The following EYS variants were observed in gnomAD, a reference collection of about 807,000 sequenced individuals.
EYS encodes the protein protein eyes shut homolog.
A neutral mutation model predicts 282.1 loss-of-function variants in EYS; 250 were observed. The observed-to-expected ratio is 0.89, with a 90% CI of 0.80 to 0.98. The LOEUF is 0.98. Ranked by LOEUF, EYS falls within the 50% of genes least tolerant of loss-of-function variation. The pLI, the probability that EYS is intolerant of heterozygous loss-of-function variation, is 0.00. For missense variants in EYS, 4,016 were observed against 3,709.0 expected, an observed-to-expected ratio of 1.08 and a Z score of -2.15; for synonymous variants, 1,355 against 1,282.9, an observed-to-expected ratio of 1.06 and a Z score of -1.20.
At chr6:64,534,086 G>T (rs1003590175) in intron 26 of EYS, among the ~76,000 whole-genome samples, 1 of 151,710 alleles carries the variant, frequency 6.6e-6, no homozygotes, top group South Asian at 2.1e-4. Flanking sequence ...TTTGCTTTTT[G>T]TGTAAATGGG....
rs78602740 is a variant in EYS, at chr6:65,217,774, G to T, written c.2023+78089C>A. Among the ~76,000 whole-genome samples the T allele has an allele frequency of 7.5e-4, 114 of 152,214 alleles. No homozygotes were observed. In the East Asian group the frequency reaches 0.018, roughly 24 times the overall value. On this transcript the variant is annotated intron_variant, in intron 12 of 42. Coordinates refer to ENST00000503581, the MANE Select transcript of EYS (RefSeq NM_001142800.2). ...GTAAAAATAAACCAGAAGCTGGAAA[G>T]ATAGGCCAAATACAGAAAATATAGA...
At chr6:65,109,053 C>T (rs1055675000) in intron 12 of EYS, among the ~76,000 whole-genome samples, 3 of 152,016 alleles carry the variant, frequency 2.0e-5, no homozygotes, top group African/African-American at 4.8e-5. Flanking sequence ...CTCCTTATCT[C>T]GCTGAGATTT....
At chr6:64,380,503 T>G (rs554806143) in intron 29 of EYS, among the ~76,000 whole-genome samples, 1 of 152,184 alleles carries the variant, frequency 6.6e-6, no homozygotes, top group African/African-American at 2.4e-5. Flanking sequence ...ATACACTTTA[T>G]GTGAAATATA....
intron 26 of EYS, among the ~76,000 whole-genome samples, chr6:64,464,568 A>G (rs184960553): frequency 6.6e-6 from 1 of 152,290 alleles, no homozygotes; most frequent in East Asian, 1.9e-4. Flanking sequence ...AAAGACCATT[A>G]GAACTAACAA....
chr6:64,734,440 C>A (rs1323403672), intron 22 of EYS, among the ~76,000 whole-genome samples: 1 of 151,956 alleles, frequency 6.6e-6, no homozygotes, highest in African/African-American at 2.4e-5. Context: ...TTTTAGTTTG[C>A]AAGTGTTTTG....
intron 26 of EYS, among the ~76,000 whole-genome samples, chr6:64,536,780 A>T (rs1203772282): frequency 2.0e-5 from 3 of 151,346 alleles, no homozygotes; most frequent in East Asian, 1.9e-4. Context: ...TCCTTAGTTG[A>T]AGACCTGTAC....
intron 22 of EYS, among the ~76,000 whole-genome samples, chr6:64,755,762 G>C (rs1354230306): frequency 6.6e-6 from 1 of 152,200 alleles, no homozygotes; most frequent in South Asian, 2.1e-4. Flanking sequence ...GGTGAGGGGG[G>C]TGAGGGATGA....
intron 28 of EYS, among the ~76,000 whole-genome samples, chr6:64,389,550 G>A (rs1008310061): frequency 6.6e-6 from 1 of 152,048 alleles, no homozygotes; most frequent in African/African-American, 2.4e-5. Context: ...ACTTTAATTG[G>A]CACACAGCCA....
At chr6:64,159,599 T>C (rs1422728318) in intron 31 of EYS, among the ~76,000 whole-genome samples, 3 of 150,536 alleles carry the variant, frequency 2.0e-5, no homozygotes, top group Admixed American at 2.0e-4. Flanking sequence ...TTTATACATA[T>C]TCAGCACAGA....
At chr6:64,404,306 G>A (rs1773631519) in intron 28 of EYS, among the ~76,000 whole-genome samples, 2 of 152,002 alleles carry the variant, frequency 1.3e-5, no homozygotes, top group South Asian at 2.1e-4. Flanking sequence ...TGATTCATCT[G>A]AATTTAATTT....
intron 2 of EYS, among the ~76,000 whole-genome samples, chr6:65,631,132 C>G (rs1424351356): frequency 1.3e-5 from 2 of 151,978 alleles, no homozygotes; most frequent in Non-Finnish European, 2.9e-5. Flanking sequence ...AATGGGAGAC[C>G]CCTGTAAAAA....
At chr6:64,784,821 T>C (rs764909098) in intron 22 of EYS, among the ~76,000 whole-genome samples, 11 of 152,164 alleles carry the variant, frequency 7.2e-5, no homozygotes, top group Non-Finnish European at 1.5e-4. Flanking sequence ...TTAATATCAG[T>C]ATTGCTTTGT....
At chr6:64,576,156 T>C (rs2149820951) in intron 26 of EYS, among the ~76,000 whole-genome samples, 1 of 152,202 alleles carries the variant, frequency 6.6e-6, no homozygotes, top group Admixed American at 6.6e-5. Context: ...TGCTTTAGTG[T>C]GGTAGCATTT....
At chr6:64,220,919 G>A (rs1220347884) in intron 31 of EYS, among the ~76,000 whole-genome samples, 2 of 151,982 alleles carry the variant, frequency 1.3e-5, no homozygotes, top group African/African-American at 2.4e-5. Context: ...CTTGAATTAC[G>A]GGGATAGGAT....
Position 64,590,995 on chromosome 6 carries a change from T to G in EYS, c.4872A>C (p.Thr1624=). The G allele has an allele frequency of 6.4e-7, 1 of 1,551,374 alleles. No individual in the cohort carries two copies. Among genetic ancestry groups the G allele is most frequent in the Non-Finnish European group, 8.7e-7 (1 of 1,146,780 alleles). Residue 1624 remains threonine (T), a synonymous_variant, in exon 26 of 43, where the codon ACA becomes ACC. Coordinates refer to ENST00000503581, the MANE Select transcript of EYS (RefSeq NM_001142800.2). ...TAGAAGGAAATAAAGATGGCACTTC[T>G]GTGAATGCCACTGATGGTGTTATTT... ...ATEITPSVAF[T]EVPSLFPSKK... is the part of the protein sequence containing the mutation.
chr6:64,909,141 C>A (rs1181676630), intron 16 of EYS, among the ~76,000 whole-genome samples: 1 of 152,074 alleles, frequency 6.6e-6, no homozygotes, highest in Non-Finnish European at 1.5e-5. Flanking sequence ...ATATCTTCAC[C>A]ATGTTTAATT....
Position 65,510,115 on chromosome 6 carries a change from C to T in EYS, c.-332-14122G>A, listed in dbSNP as rs972812034. 7.3e-5 allele frequency among the ~76,000 whole-genome samples: 11 copies of T among 151,110 alleles called. No homozygotes were observed. The South Asian group carries it at 1.9e-3, about 26-fold the overall frequency. ...ATACATGTGCCATGCTGGTGCGCTG[C>T]ACCCACTAACTCGTCATCTAGCATT... is the stretch of plus-strand genomic sequence containing the variant. On this transcript the variant is annotated intron_variant, in intron 2 of 42. Coordinates refer to ENST00000503581, the MANE Select transcript of EYS (RefSeq NM_001142800.2).
chr6:64,286,901 C>A (rs965914140), intron 30 of EYS, among the ~76,000 whole-genome samples: 4 of 133,540 alleles, frequency 3.0e-5, no homozygotes, highest in African/African-American at 1.1e-4. Context: ...GTAGCATATA[C>A]CTTTTGTTTA....
At chr6:64,860,927 C>T (rs1766216180) in intron 19 of EYS, among the ~76,000 whole-genome samples, 2 of 152,196 alleles carry the variant, frequency 1.3e-5, no homozygotes, top group Admixed American at 1.3e-4. Flanking sequence ...GGGTTTCCGC[C>T]TGCCTCAGAG....
Sources: gnomAD v4.1 joint callset for allele counts (sites outside exome capture counted in the v4.1 genomes callset) on GRCh38, gnomAD v4.1.1 for gene constraint, MANE v1.5 for transcripts, NCBI Gene and HGNC (gene_info 2026-07-23, HGNC 2026-07-21) for gene names.